Variants in FOXM1 observed in about 807,000 individuals in gnomAD.
The protein encoded by FOXM1 is forkhead box M1.
In FOXM1, 25 loss-of-function variants were observed where a neutral mutation model predicts 63.6. The ratio of observed to expected loss-of-function variants is 0.39; its 90% CI spans 0.29 to 0.55. The LOEUF (loss-of-function observed/expected upper bound fraction) is 0.55, where lower values mean the gene tolerates loss of function less well. Ranked by LOEUF, FOXM1 falls within the 20% of genes least tolerant of loss-of-function variation. The pLI is 0.60. For synonymous variants in FOXM1, 387 were observed against 376.9 expected, an observed-to-expected ratio of 1.03 and a Z score of -0.31; for missense variants, 879 against 958.7, an observed-to-expected ratio of 0.92 and a Z score of 1.10.
intron 5 of FOXM1, among the ~76,000 whole-genome samples, chr12:2,866,086 G>T (rs1431046078): frequency 6.6e-6 from 1 of 152,218 alleles, no homozygotes; most frequent in African/African-American, 2.4e-5. Flanking sequence ...GGTCTGGGAA[G>T]CTGTGTTTTA....
intron 5 of FOXM1, 60 bp from the exon 6 acceptor site, chr12:2,865,459 A>C: frequency 7.2e-7 from 1 of 1,391,138 alleles, no homozygotes. Context: ...AACGTGGTCA[A>C]TTTGACCGGA....
At position 2,862,856 on chromosome 12, in the gene FOXM1, T is replaced by C. The variant is rs572305262; in HGVS notation, c.1266+1464A>G. Among the ~76,000 whole-genome samples, 21 of 151,888 alleles carry C rather than the reference T, an allele frequency of 1.4e-4. No homozygotes were observed. The East Asian group carries it at 3.9e-3, about 28-fold the overall frequency. ...TGTGCATGGCCTAAAAGATTTTATA[T>C]ATTAAAAAAAAAGCAAACCCAAGTC... On this transcript the variant is annotated intron_variant, in intron 8 of 8. Coordinates refer to ENST00000359843, the MANE Select transcript of FOXM1 (RefSeq NM_021953.4).
chr12:2,862,899 CTA>C (rs200001654), intron 8 of FOXM1, among the ~76,000 whole-genome samples: 4,925 of 151,652 alleles, frequency 0.032, 238 homozygotes, highest in African/African-American at 0.11. Flanking sequence ...ACTCCAGACT[CTA>C]TGCTATTTTC....
intron 2 of FOXM1, 105 bp downstream of exon 2, chr12:2,873,872 T>C: frequency 7.5e-7 from 1 of 1,331,100 alleles, no homozygotes; most frequent in Non-Finnish European, 1.0e-6. Flanking sequence ...GCCACTGTGC[T>C]CGGCCAGAAG....
rs915682006 is a variant in FOXM1 at position 2,874,243 on chromosome 12, G to A, written c.236C>T (p.Pro79Leu). Residue 79 changes from proline (P) to leucine (L), a missense_variant, in exon 2 of 9, where the codon CCC becomes CTC. Pro to Leu is a moderately conservative substitution (Grantham distance 98). Around this residue, in one of 4 missense-constraint regions of FOXM1, gnomAD observed 255 missense variants for 292.4 expected, o/e 0.87. Transcript: ENST00000359843. The surrounding 1 kb of genome is among the most constrained non-coding windows in gnomAD (Gnocchi z 4.3). ...TMPNTQVVAI[P>L]NNANIHSIIT... ...GATGCTGTGAATATTAGCATTGTTG[G>A]GGATGGCCACTACTTGCGTGTTGGG... 6.2e-7 allele frequency: 1 copy of A among 1,614,148 alleles called. No homozygotes were observed. The highest frequency in any genetic ancestry group is 2.2e-5 in the East Asian group (1 of 44,878).
chr12:2,873,223 C>A (rs998654988), intron 2 of FOXM1, among the ~76,000 whole-genome samples: 2 of 151,738 alleles, frequency 1.3e-5, no homozygotes, highest in South Asian at 4.2e-4. Flanking sequence ...CATGGCAAAC[C>A]CCTGTCTCTA....
Position 2,874,062 on chromosome 12 carries a change from C to T in FOXM1, c.417G>A (p.Glu139=). Reference sequence around the variant, plus strand: ...TAGCTGCAGGTTTTGGTCCCAAGGTCTCCAGGGTCACTTCTGTCCTTTTGG... The same window carrying T: ...TAGCTGCAGGTTTTGGTCCCAAGGTTTCCAGGGTCACTTCTGTCCTTTTGG... ...YDAKRTEVTL[E]TLGPKPAARD... Residue 139 remains glutamate, a synonymous_variant, in exon 2 of 9, where the codon GAG becomes GAA. Coordinates refer to ENST00000359843, the MANE Select transcript of FOXM1 (RefSeq NM_021953.4). This position sits in a 1 kb window ranked among gnomAD's most constrained non-coding sequence, Gnocchi z 4.3. 1 of 1,614,160 alleles carries T rather than the reference C, an allele frequency of 6.2e-7. No homozygotes were observed. Among genetic ancestry groups the T allele is most frequent in the Non-Finnish European group, 8.5e-7 (1 of 1,180,042 alleles).
intron 4 of FOXM1, among the ~76,000 whole-genome samples, chr12:2,867,974 T>G (rs2098126449): frequency 7.5e-6 from 1 of 133,758 alleles, no homozygotes; most frequent in African/African-American, 2.8e-5. Flanking sequence ...AGCGAGACTC[T>G]GTCTCAAAAA....
intron 8 of FOXM1, among the ~76,000 whole-genome samples, chr12:2,863,425 G>A (rs1379679118): frequency 6.6e-6 from 1 of 152,102 alleles, no homozygotes; most frequent in Admixed American, 6.6e-5. Context: ...GGGCCTCACT[G>A]TTGCCCAGGC....
At position 2,864,271 on chromosome 12, in the gene FOXM1, C is replaced by T. The variant is rs2098119056; in HGVS notation, c.1266+49G>A. On this transcript the variant is annotated intron_variant, in intron 8 of 8. Transcript: ENST00000359843. This position sits in a 1 kb window ranked among gnomAD's most constrained non-coding sequence, Gnocchi z 5.1. ...AGTGCTTTGCAAGCTGAAGGTCCAA[C>T]ATTCTTAATTGGCCAGAATCTCTCT... 6.6e-7 allele frequency: 1 copy of T among 1,523,188 alleles called. No homozygotes were observed. The highest frequency in any genetic ancestry group is 1.4e-5 in the African/African-American group (1 of 72,606). The allele number at this position is 1,523,188 out of a possible 1,614,324, so 94.4% of individuals were successfully genotyped here.
At chr12:2,875,673 A>G (rs1196732363) in intron 1 of FOXM1, among the ~76,000 whole-genome samples, 1 of 151,794 alleles carries the variant, frequency 6.6e-6, no homozygotes, top group Non-Finnish European at 1.5e-5. Flanking sequence ...TCTTAGTACC[A>G]CAATGAGCTA....
In FOXM1 at chr12:2,859,358, G is replaced by A; in HGVS notation, c.1572C>T (p.Thr524=). The A allele has an allele frequency of 6.2e-7, 1 of 1,613,912 alleles. No homozygotes were observed. The highest frequency in any genetic ancestry group is 1.1e-5 in the South Asian group (1 of 91,078). ...KKSYSGLRSP[T]RCVSEMLVIQ... ...TCACAAGCATTTCCGAGACACACCG[G>A]GTTGGGGACCTAAGCCCACTGTAGG... The change falls in exon 9 of 9, where the codon ACC becomes ACT. Residue 524 remains threonine, a synonymous_variant. Coordinates refer to ENST00000359843, the MANE Select transcript of FOXM1 (RefSeq NM_021953.4).
At position 2,876,968 on chromosome 12, in the gene FOXM1, G is replaced by C. The variant is rs1235561502; in HGVS notation, c.-96C>G. ...CGTTAGGCCGTAGCTCCGAAGGCGG[G>C]CTCCGGGCTCCTCCAACCTGGGGGC... On this transcript the variant is annotated 5_prime_UTR_variant, in exon 1 of 9. Coordinates refer to ENST00000359843, the MANE Select transcript of FOXM1 (RefSeq NM_021953.4). The C allele has an allele frequency of 6.6e-6, 1 of 152,176 alleles. No individual in the cohort carries two copies. Among genetic ancestry groups the C allele is most frequent in the Non-Finnish European group, 1.5e-5 (1 of 68,092 alleles). 9.4% of individuals were successfully genotyped at this position (152,176 alleles called of 1,614,324 possible).
In FOXM1 at chr12:2,864,226, T is replaced by G; in HGVS notation, c.1266+94A>C. ...TTTCTACCCAACTAGATTTATAAGC[T>G]CTCAAGGAACACTTATCAGAGTGCT... On this transcript the variant is annotated intron_variant, in intron 8 of 8. Coordinates refer to ENST00000359843, the MANE Select transcript of FOXM1 (RefSeq NM_021953.4). This position sits in a 1 kb window ranked among gnomAD's most constrained non-coding sequence, Gnocchi z 5.1. The G allele has an allele frequency of 8.9e-7, 1 of 1,122,130 alleles. No homozygotes were observed. Among genetic ancestry groups the G allele is most frequent in the Non-Finnish European group, 1.3e-6 (1 of 779,330 alleles). 69.5% of individuals were successfully genotyped at this position (1,122,130 alleles called of 1,614,324 possible).
Position 2,859,245 on chromosome 12 carries a change from A to G in FOXM1, c.1685T>C (p.Phe562Ser), listed in dbSNP as rs766746704. 6.2e-7 allele frequency: 1 copy of G among 1,613,674 alleles called. No individual in the cohort carries two copies. The change falls in exon 9 of 9, where the codon TTC (phenylalanine) becomes TCC (serine). Residue 562 changes from phenylalanine to serine, a missense_variant. This residue lies in a region of FOXM1 where 486 missense variants were observed against 453.5 expected (regional missense o/e 1.07). Coordinates refer to ENST00000359843, the MANE Select transcript of FOXM1 (RefSeq NM_021953.4). ...GCGGGAAGTACTGGGCCCCTCTGAGAAGAGCAGCTCCGGCTCATCCACACA... is the reference window on the plus strand; with the variant it reads ...GCGGGAAGTACTGGGCCCCTCTGAGGAGAGCAGCTCCGGCTCATCCACACA... ...PPCVDEPELLFSEGPSTSRWA... is the reference protein window; with the variant it reads ...PPCVDEPELLSSEGPSTSRWA...
At chr12:2,871,947 T>C (rs2098133919) in intron 3 of FOXM1, 149 bp downstream of exon 3, 3 of 871,866 alleles carry the variant, frequency 3.4e-6, no homozygotes, top group Non-Finnish European at 5.6e-6. Context: ...GGCAGAAAAA[T>C]AGCTCAAAAG....
rs2098138699 is a variant in FOXM1 at position 2,874,499 on chromosome 12, C to G, written c.-21G>C. 6.3e-7 allele frequency: 1 copy of G among 1,585,686 alleles called. No individual in the cohort carries two copies. Among genetic ancestry groups the G allele is most frequent in the African/African-American group, 1.4e-5 (1 of 73,870 alleles). On this transcript the variant is annotated 5_prime_UTR_variant, in exon 2 of 9. Coordinates refer to ENST00000359843, the MANE Select transcript of FOXM1 (RefSeq NM_021953.4). This position sits in a 1 kb window ranked among gnomAD's most constrained non-coding sequence, Gnocchi z 4.3. Reference sequence around the variant, plus strand: ...TTCATTATGAATCTGCGTTTTCACTCTCCATTGAGAATCACAAGTGTGGAC... The same window carrying G: ...TTCATTATGAATCTGCGTTTTCACTGTCCATTGAGAATCACAAGTGTGGAC...
rs535471991 is a variant in FOXM1 at position 2,859,149 on chromosome 12, A to C, written c.1781T>G (p.Val594Gly). ...PASQLSYSQE[V>G]GGPFKTPIKE... Reference sequence around the variant, plus strand: ...AATGGGTGTCTTAAAAGGTCCTCCCACTTCCTGGGAGTAGCTGAGCTGGGA... The same window carrying C: ...AATGGGTGTCTTAAAAGGTCCTCCCCCTTCCTGGGAGTAGCTGAGCTGGGA... Residue 594 changes from valine (V) to glycine (G), a missense_variant, in exon 9 of 9, where the codon GTG becomes GGG. Transcript: ENST00000359843. 3.3e-5 allele frequency: 53 copies of C among 1,606,544 alleles called. No individual in the cohort carries two copies. In the East Asian group the frequency reaches 1.1e-3, roughly 32 times the overall value.
chr12:2,858,616 G>A lies in FOXM1; in HGVS notation c.*22C>T. The A allele has an allele frequency of 6.2e-7, 1 of 1,602,898 alleles. No homozygotes were observed. The highest frequency in any genetic ancestry group is 1.1e-5 in the South Asian group (1 of 89,750). ...GTGCCCGGGATGGTGGACAGCTTGAGCACAGGGGCAAGGGCAGGGCTCTAC... is the reference window on the plus strand; with the variant it reads ...GTGCCCGGGATGGTGGACAGCTTGAACACAGGGGCAAGGGCAGGGCTCTAC... On this transcript the variant is annotated 3_prime_UTR_variant, in exon 9 of 9. Coordinates refer to ENST00000359843, the MANE Select transcript of FOXM1 (RefSeq NM_021953.4).
Sources: gnomAD v4.1 joint callset for allele counts (sites outside exome capture counted in the v4.1 genomes callset) on GRCh38, gnomAD v4.1.1 for gene constraint, gnomAD v4.1.1 regional missense constraint, Gnocchi (gnomAD v3.1) non-coding constraint, MANE v1.5 for transcripts, NCBI Gene and HGNC (gene_info 2026-07-23, HGNC 2026-07-21) for gene names.